Variants in GNAQ observed in about 807,000 individuals in gnomAD.
The protein encoded by GNAQ is guanine nucleotide-binding protein G(q) subunit alpha.
In GNAQ, 8 loss-of-function variants were observed where a neutral mutation model predicts 43.9. The ratio of observed to expected loss-of-function variants is 0.18; its 90% CI spans 0.11 to 0.33. The LOEUF (loss-of-function observed/expected upper bound fraction) is 0.33, where lower values mean the gene tolerates loss of function less well. Among genes scored for constraint, GNAQ ranks in the 10% least tolerant of loss-of-function variants. The probability of loss-of-function intolerance (pLI) is 1.00; values close to 1 mark genes in which losing one functional copy is unlikely to be tolerated. For synonymous variants in GNAQ, 155 were observed against 170.7 expected (o/e 0.91, Z 0.71); for missense variants, 158 against 450.8 (o/e 0.35, Z 5.88).
chr9:78,023,021 GC>G (rs1378355983), intron 1 of GNAQ, among the ~76,000 whole-genome samples: 1 of 152,180 alleles, frequency 6.6e-6, no homozygotes, highest in Non-Finnish European at 1.5e-5. Flanking sequence ...GCCTACACAT[GC>G]CTACAGCACC....
intron 1 of GNAQ, among the ~76,000 whole-genome samples, chr9:77,941,040 C>A (rs1190608406): frequency 6.6e-6 from 1 of 151,848 alleles, no homozygotes; most frequent in Admixed American, 6.6e-5. Flanking sequence ...AAAGTAACAA[C>A]TAAAAAATAA....
chr9:77,722,041 A>C (rs556859741), intron 6 of GNAQ, among the ~76,000 whole-genome samples: 1 of 152,198 alleles, frequency 6.6e-6, no homozygotes, highest in African/African-American at 2.4e-5. Flanking sequence ...CCTCTGTAAC[A>C]GTCTCACTTC....
Position 77,912,012 on chromosome 9 carries a change from T to G in GNAQ, c.321+10149A>C, listed in dbSNP as rs543121928. ...TGCATTAGAGAGAACAATTAACACA[T>G]TTGGATTAACCCTAGGAAATCTACC... On this transcript the variant is annotated intron_variant, in intron 2 of 6. Transcript: ENST00000286548. 1.3e-3 allele frequency among the ~76,000 whole-genome samples: 193 copies of G among 152,142 alleles called. 1 individual carries two copies. The highest frequency in any genetic ancestry group is 2.4e-3 in the Non-Finnish European group (166 of 68,030).
chr9:77,926,405 C>G (rs750066089), intron 1 of GNAQ, among the ~76,000 whole-genome samples: 78 of 152,244 alleles, frequency 5.1e-4, no homozygotes, highest in Non-Finnish European at 7.6e-4. Flanking sequence ...TTCTCTATCT[C>G]TGAATGAAAA....
intron 2 of GNAQ, among the ~76,000 whole-genome samples, chr9:77,857,712 G>A (rs1408025678): frequency 6.6e-6 from 1 of 150,922 alleles, no homozygotes; most frequent in Non-Finnish European, 1.5e-5. Context: ...GGAAAGGGAG[G>A]AAAGAGTCTA....
chr9:77,916,892 G>T (rs1226965607), intron 2 of GNAQ, among the ~76,000 whole-genome samples: 1 of 152,094 alleles, frequency 6.6e-6, no homozygotes, highest in East Asian at 1.9e-4. Context: ...CCCAGGACTG[G>T]CAAAGAGAGC....
chr9:77,847,746 T>C (rs1827610446), intron 2 of GNAQ, among the ~76,000 whole-genome samples: 1 of 152,212 alleles, frequency 6.6e-6, no homozygotes, highest in Non-Finnish European at 1.5e-5. Flanking sequence ...TATGTGGTTG[T>C]GCATTTTGGG....
intron 2 of GNAQ, among the ~76,000 whole-genome samples, chr9:77,906,880 T>G (rs528019852): frequency 6.6e-5 from 10 of 152,218 alleles, no homozygotes; most frequent in Non-Finnish European, 1.5e-4. Flanking sequence ...TGAACCTACA[T>G]TTGTATGTGC....
chr9:77,914,220 G>C (rs1828857978), intron 2 of GNAQ, among the ~76,000 whole-genome samples: 1 of 152,166 alleles, frequency 6.6e-6, no homozygotes, highest in Admixed American at 6.5e-5. Flanking sequence ...AAGGGATTTT[G>C]AAAGTTGATA....
At chr9:77,895,515 A>T (rs114239932) in intron 2 of GNAQ, among the ~76,000 whole-genome samples, 214 of 152,216 alleles carry the variant, frequency 1.4e-3, no homozygotes, top group African/African-American at 4.9e-3. Context: ...AGGTGGAGAC[A>T]CTCTAGAGAG....
chr9:77,835,005 G>C (rs1827360741), intron 2 of GNAQ, among the ~76,000 whole-genome samples: 1 of 151,920 alleles, frequency 6.6e-6, no homozygotes, highest in South Asian at 2.1e-4. Context: ...GCATTTCAAG[G>C]CCCCCAGTGG....
chr9:77,793,267 A>G (rs2118438669), intron 5 of GNAQ, among the ~76,000 whole-genome samples: 1 of 152,232 alleles, frequency 6.6e-6, no homozygotes, highest in East Asian at 1.9e-4. Context: ...GGGGCAACTG[A>G]TTGATAAACA....
At chr9:77,995,673 G>A (rs1054952609) in intron 1 of GNAQ, among the ~76,000 whole-genome samples, 42 of 151,668 alleles carry the variant, frequency 2.8e-4, no homozygotes, top group African/African-American at 9.2e-4. Context: ...GTAGAAATGG[G>A]GTCTCACTAT....
At chr9:78,003,477 G>A (rs1823667481) in intron 1 of GNAQ, among the ~76,000 whole-genome samples, 1 of 152,076 alleles carries the variant, frequency 6.6e-6, no homozygotes, top group African/African-American at 2.4e-5. Context: ...CAGGAAGAAG[G>A]CTTTTGTGTT....
At chr9:77,991,650 A>G (rs1468313129) in intron 1 of GNAQ, among the ~76,000 whole-genome samples, 4 of 151,970 alleles carry the variant, frequency 2.6e-5, no homozygotes, top group Admixed American at 6.6e-5. Flanking sequence ...GATTTCTGAG[A>G]TTTTGGTGCA....
At chr9:77,754,315 G>A (rs139946177) in intron 5 of GNAQ, among the ~76,000 whole-genome samples, 1 of 152,172 alleles carries the variant, frequency 6.6e-6, no homozygotes, top group East Asian at 1.9e-4. Flanking sequence ...GGCTTCTTAA[G>A]AACAGGGGCA....
chr9:77,870,055 T>C (rs994736320), intron 2 of GNAQ, among the ~76,000 whole-genome samples: 1 of 152,188 alleles, frequency 6.6e-6, no homozygotes, highest in African/African-American at 2.4e-5. Context: ...GCTAGAATAA[T>C]AGGAAAAATA....
At chr9:77,749,161 T>C (rs1425850634) in intron 5 of GNAQ, among the ~76,000 whole-genome samples, 1 of 152,176 alleles carries the variant, frequency 6.6e-6, no homozygotes, top group Non-Finnish European at 1.5e-5. Flanking sequence ...ATCCTTTCCA[T>C]AGTTTTGGCA....
chr9:77,739,515 A>ATGTT lies in GNAQ; in HGVS notation c.736-10852_736-10849dup, dbSNP rs1408854224. Among the ~76,000 whole-genome samples the ATGTT allele has an allele frequency of 4.6e-5, 7 of 152,244 alleles. 1 individual carries two copies. Among genetic ancestry groups the ATGTT allele is most frequent in the Admixed American group, 4.6e-4 (7 of 15,282 alleles). On this transcript the variant is annotated intron_variant, in intron 5 of 6. Coordinates refer to ENST00000286548, the MANE Select transcript of GNAQ (RefSeq NM_002072.5). ...GTGTTTCAAAGAAGTTATTAAGAGA[A>ATGTT]TGTTTGAAATAAGATTAAAACAGCT...
Sources: allele counts gnomAD v4.1 joint callset (sites outside exome capture counted in the v4.1 genomes callset), GRCh38; gene constraint gnomAD v4.1.1; transcripts MANE v1.5; gene names NCBI Gene and HGNC (gene_info 2026-07-23, HGNC 2026-07-21).